HSD17B14: variants seen among roughly 807,000 people sequenced by gnomAD.
The protein encoded by HSD17B14 is L-fucose dehydrogenase.
In HSD17B14, 32 loss-of-function variants were observed where a neutral mutation model predicts 32.2. The ratio of observed to expected loss-of-function variants is 0.99; its 90% CI spans 0.75 to 1.33. HSD17B14 has a LOEUF of 1.33. HSD17B14 is among the 40% of genes most tolerant of loss of function. The pLI is 0.00. For missense variants in HSD17B14, 370 were observed against 366.5 expected (o/e 1.01, Z -0.08); for synonymous variants, 140 against 155.4 (o/e 0.90, Z 0.74).
intron 5 of HSD17B14, among the ~76,000 whole-genome samples, chr19:48,820,913 A>G (rs1044441251): frequency 1.3e-5 from 2 of 152,036 alleles, no homozygotes; most frequent in Admixed American, 6.6e-5. Flanking sequence ...CATATTGGCC[A>G]GGCTGGTCTC....
intron 6 of HSD17B14, among the ~76,000 whole-genome samples, chr19:48,814,274 C>T (rs564203110): frequency 6.6e-6 from 1 of 151,836 alleles, no homozygotes; most frequent in East Asian, 1.9e-4. Flanking sequence ...AATCCCAGCA[C>T]TTTGGGAGGC....
chr19:48,835,899 C>A, intron 1 of HSD17B14, 56 bp from the exon 2 acceptor site: 1 of 1,561,724 alleles, frequency 6.4e-7, no homozygotes, highest in Non-Finnish European at 8.8e-7. Flanking sequence ...GCCTCTGCCG[C>A]CCTCTTGTGG....
chr19:48,821,509 A>G (rs1048003646), intron 5 of HSD17B14, among the ~76,000 whole-genome samples: 1 of 152,188 alleles, frequency 6.6e-6, no homozygotes, highest in Non-Finnish European at 1.5e-5. Flanking sequence ...TCCACCAGGA[A>G]GGCCAAAGAC....
intron 5 of HSD17B14, among the ~76,000 whole-genome samples, chr19:48,825,076 A>G (rs1292013621): frequency 6.6e-6 from 1 of 151,604 alleles, no homozygotes; most frequent in Non-Finnish European, 1.5e-5. Context: ...CATCTCTACT[A>G]AAAATACAAA....
intron 5 of HSD17B14, among the ~76,000 whole-genome samples, chr19:48,816,832 C>CTTT (rs1299846573): frequency 4.8e-5 from 2 of 41,280 alleles, no homozygotes; most frequent in African/African-American, 9.4e-5. Context: ...TCTTTTCTTT[C>CTTT]TCTCTCTCTC....
At position 48,813,114 on chromosome 19, in the gene HSD17B14, C is replaced by G. The variant is rs1238740232; in HGVS notation, c.*61G>C. On this transcript the variant is annotated 3_prime_UTR_variant, in exon 9 of 9. Coordinates refer to ENST00000263278, the MANE Select transcript of HSD17B14 (RefSeq NM_016246.3). The stretch of plus-strand genomic sequence containing the variant: ...AAGGGCTTGGGGGCTGCATCTGATA[C>G]AGGTTGGAGTTTGGGGTGGGAGAGT... The G allele has an allele frequency of 1.7e-6, 2 of 1,153,124 alleles. No homozygotes were observed. Among genetic ancestry groups the G allele is most frequent in the Non-Finnish European group, 2.5e-6 (2 of 806,154 alleles). The allele number at this position is 1,153,124 out of a possible 1,614,324, so 71.4% of individuals were successfully genotyped here. A position where few individuals can be genotyped will look rare whatever the true frequency, so the allele number is the denominator to read the frequency against.
rs559794400 is a variant in HSD17B14, at chr19:48,813,231, A to G, written c.757T>C (p.Tyr253His). Residue 253 changes from tyrosine (Y) to histidine (H), a missense_variant, in exon 9 of 9, where the codon TAC becomes CAC. Transcript: ENST00000263278. The part of the protein sequence containing the change: ...LLVTGGAELG[Y>H]GCKASRSTPV... Reference sequence around the variant, plus strand: ...GTGCTCCGACTGGCCTTGCACCCGTACCCCAGCTCTGCACCCCCCGTCACG... The same window carrying G: ...GTGCTCCGACTGGCCTTGCACCCGTGCCCCAGCTCTGCACCCCCCGTCACG... 6.2e-7 allele frequency: 1 copy of G among 1,611,208 alleles called. No individual in the cohort carries two copies. The highest frequency in any genetic ancestry group is 1.3e-5 in the African/African-American group (1 of 74,946).
Position 48,819,829 on chromosome 19 carries a change from C to T in HSD17B14, c.370-4688G>A, listed in dbSNP as rs370016892. Among the ~76,000 whole-genome samples, 10 of 152,286 alleles carry T rather than the reference C, an allele frequency of 6.6e-5. No homozygotes were observed. The South Asian group carries it at 1.9e-3, about 28-fold the overall frequency. On this transcript the variant is annotated intron_variant, in intron 5 of 8. Transcript: ENST00000263278. ...AAGGACAGAGCCTACATGTACCTGG[C>T]TCCCTGCCCTATCTCCAGCACCTAT...
chr19:48,832,789 T>G, intron 3 of HSD17B14, 57 bp from the exon 4 acceptor site: 1 of 1,431,532 alleles, frequency 7.0e-7, no homozygotes, highest in Non-Finnish European at 9.7e-7. Flanking sequence ...GTCTCCCTCT[T>G]GTCACTCAGG....
intron 5 of HSD17B14, among the ~76,000 whole-genome samples, chr19:48,830,261 A>T (rs565562559): frequency 6.6e-6 from 1 of 152,264 alleles, no homozygotes; most frequent in African/African-American, 2.4e-5. Context: ...GTGGCAAGTT[A>T]TATCCGCAGT....
At chr19:48,834,931 G>A in intron 2 of HSD17B14, among the ~76,000 whole-genome samples, 1 of 56,400 alleles carries the variant, frequency 1.8e-5, no homozygotes, top group Non-Finnish European at 3.4e-5. Context: ...AGGAAGGGCT[G>A]GGAGCCTGGA....
At chr19:48,830,972 G>A (rs1459733291) in intron 5 of HSD17B14, among the ~76,000 whole-genome samples, 1 of 151,976 alleles carries the variant, frequency 6.6e-6, no homozygotes, top group African/African-American at 2.4e-5. Flanking sequence ...CTGAGTAGCT[G>A]GGACTACAAG....
chr19:48,834,953 G>C (rs1329158115), intron 2 of HSD17B14, among the ~76,000 whole-genome samples: 2 of 44,076 alleles, frequency 4.5e-5, no homozygotes, highest in African/African-American at 1.2e-4. Context: ...TCCTGGGTCT[G>C]AGGGAGGAGG....
chr19:48,836,196 G>A, intron 1 of HSD17B14, 128 bp downstream of exon 1: 2 of 987,898 alleles, frequency 2.0e-6, no homozygotes, highest in Non-Finnish European at 1.5e-6. Flanking sequence ...ACTTTAGCCT[G>A]CAAATTGGCT....
At chr19:48,826,542 T>TATATATATATATATATACACACACACAC in intron 5 of HSD17B14, among the ~76,000 whole-genome samples, 1 of 80,120 alleles carries the variant, frequency 1.2e-5, no homozygotes, top group African/African-American at 5.2e-5. Context: ...TATATATATA[T>TATATATATATATATATACACACACACAC]ACACACACAC....
At chr19:48,831,563 A>G in intron 5 of HSD17B14, 105 bp downstream of exon 5, 1 of 852,014 alleles carries the variant, frequency 1.2e-6, no homozygotes, top group Non-Finnish European at 2.0e-6. Context: ...CAACAAACAA[A>G]CAAATAAAAA....
chr19:48,835,959 T>C (rs2035503772), intron 1 of HSD17B14, 116 bp from the exon 2 acceptor site: 1 of 888,400 alleles, frequency 1.1e-6, no homozygotes, highest in Non-Finnish European at 1.8e-6. Context: ...CCCAGTCTCA[T>C]GATCACCCAT....
At chr19:48,830,346 C>T (rs927873470) in intron 5 of HSD17B14, among the ~76,000 whole-genome samples, 28 of 152,130 alleles carry the variant, frequency 1.8e-4, no homozygotes, top group African/African-American at 6.3e-4. Flanking sequence ...CAACGTCCAG[C>T]GTCTATCACC....
intron 5 of HSD17B14, among the ~76,000 whole-genome samples, chr19:48,820,654 C>G (rs2035130756): frequency 6.6e-6 from 1 of 150,576 alleles, no homozygotes; most frequent in Non-Finnish European, 1.5e-5. Flanking sequence ...GCCTCAGCCT[C>G]CCGAGTAGCT....
Sources: gnomAD v4.1 joint callset for allele counts (sites outside exome capture counted in the v4.1 genomes callset) on GRCh38, gnomAD v4.1.1 for gene constraint, MANE v1.5 for transcripts, NCBI Gene and HGNC (gene_info 2026-07-23, HGNC 2026-07-21) for gene names.